Variants in WDFY3 observed in about 807,000 individuals in gnomAD.
The protein encoded by WDFY3 is WD repeat and FYVE domain containing 3.
Under a neutral mutation model 409.6 loss-of-function variants are expected in WDFY3, and 66 were observed. That is an observed-to-expected ratio of 0.16 (90% confidence interval 0.13 to 0.20). The LOEUF (loss-of-function observed/expected upper bound fraction) is 0.20. WDFY3 is among the 10% of genes least tolerant of loss of function. WDFY3 has a pLI of 1.00. For missense variants in WDFY3, 3,031 were observed against 4,298.1 expected (o/e 0.71, Z 8.24); for synonymous variants, 1,521 against 1,537.1 (o/e 0.99, Z 0.25).
intron 1 of WDFY3, among the ~76,000 whole-genome samples, chr4:84,936,574 A>G (rs1175386610): frequency 6.6e-6 from 1 of 152,110 alleles, no homozygotes; most frequent in East Asian, 1.9e-4. Context: ...TTTTCCAAAT[A>G]GCCCAGAAAG....
At chr4:84,962,923 C>T (rs1275918526) in intron 1 of WDFY3, among the ~76,000 whole-genome samples, 1 of 151,786 alleles carries the variant, frequency 6.6e-6, no homozygotes, top group Non-Finnish European at 1.5e-5. Context: ...ATTCATCTGC[C>T]TCGGCCTCCC....
At chr4:84,735,920 C>T (rs1578299929) in intron 42 of WDFY3, among the ~76,000 whole-genome samples, 1 of 152,064 alleles carries the variant, frequency 6.6e-6, no homozygotes, top group Non-Finnish European at 1.5e-5. Flanking sequence ...AGAAAATTAT[C>T]TATAGTCTGA....
At chr4:84,682,603 C>T (rs1016138870) in intron 63 of WDFY3, 133 bp from the exon 64 acceptor site, 1 of 741,750 alleles carries the variant, frequency 1.3e-6, no homozygotes, top group East Asian at 2.7e-5. Flanking sequence ...GTTAGATTTC[C>T]CGTATCTTGG....
chr4:84,763,853 C>A (rs1375855926), intron 32 of WDFY3, among the ~76,000 whole-genome samples: 1 of 152,116 alleles, frequency 6.6e-6, no homozygotes, highest in African/African-American at 2.4e-5. Context: ...TCAGGTAGGT[C>A]AGACACAGTG....
chr4:84,803,922 C>G (rs1366587727), intron 15 of WDFY3: 1 of 153,500 alleles, frequency 6.5e-6, no homozygotes, highest in African/African-American at 2.4e-5. Context: ...ATGAGTAACA[C>G]AATCAACAAC....
chr4:84,804,211 T>G (rs1430223387), intron 15 of WDFY3: 5 of 152,232 alleles, frequency 3.3e-5, no homozygotes, highest in Non-Finnish European at 7.3e-5. Context: ...TCATCTACAA[T>G]TCATGAATTT....
At position 84,741,837 on chromosome 4, in the gene WDFY3, A is replaced by G. The variant is rs1369762574; in HGVS notation, c.6158T>C (p.Val2053Ala). 2.5e-6 allele frequency: 4 copies of G among 1,613,710 alleles called. No homozygotes were observed. In the East Asian group the frequency reaches 8.9e-5, roughly 36 times the overall value. Residue 2053 changes from valine to alanine, a missense_variant, in exon 38 of 68, where the codon GTG becomes GCG. By Grantham distance (64) the Val-to-Ala change is moderately conservative. Around this residue, in one of 16 missense-constraint regions of WDFY3, gnomAD observed 314 missense variants for 397.4 expected, o/e 0.79. Coordinates refer to ENST00000295888, the MANE Select transcript of WDFY3 (RefSeq NM_014991.6). ...NNVFYFTQRV[V>A]DKLWQGMFNK... The stretch of plus-strand genomic sequence containing the variant: ...GAACATGCCTTGCCAAAGCTTGTCC[A>G]CCACACGCTGTGTGAAATAAAACAC...
chr4:84,769,584 T>A (rs962393922), intron 30 of WDFY3, among the ~76,000 whole-genome samples: 2 of 151,922 alleles, frequency 1.3e-5, no homozygotes, highest in Admixed American at 1.3e-4. Flanking sequence ...CCGGCTAATT[T>A]TTTTTGTGTG....
chr4:84,930,982 TTTG>T (rs1284496142), intron 2 of WDFY3, among the ~76,000 whole-genome samples: 29 of 152,194 alleles, frequency 1.9e-4, no homozygotes, highest in African/African-American at 5.1e-4. Flanking sequence ...CACTGCAATA[TTTG>T]TTATTATAAT....
chr4:84,700,311 C>T (rs942257858), intron 56 of WDFY3, among the ~76,000 whole-genome samples: 1 of 152,176 alleles, frequency 6.6e-6, no homozygotes, highest in African/African-American at 2.4e-5. Flanking sequence ...TAAAGTGATC[C>T]TCCCACCTCA....
chr4:84,788,717 C>A (rs1426945885), intron 22 of WDFY3, among the ~76,000 whole-genome samples: 1 of 152,186 alleles, frequency 6.6e-6, no homozygotes, highest in East Asian at 1.9e-4. Context: ...CAAACTTTGT[C>A]TTTGTTACTT....
rs145922258 is a variant in WDFY3, at chr4:84,858,528, A to C, written c.180+1884T>G. On this transcript the variant is annotated intron_variant, in intron 4 of 67. Coordinates refer to ENST00000295888, the MANE Select transcript of WDFY3 (RefSeq NM_014991.6). ...AAAAGAACTACTGCTTGATTGACAG[A>C]GGTCCAGAAAAGGGGGAACATATAA... Among the ~76,000 whole-genome samples the C allele has an allele frequency of 1.8e-4, 27 of 152,334 alleles. 1 individual carries two copies. In the East Asian group the frequency reaches 5.2e-3, roughly 29 times the overall value.
At chr4:84,698,311 G>A (rs1020255808) in intron 56 of WDFY3, among the ~76,000 whole-genome samples, 15 of 150,210 alleles carry the variant, frequency 1.0e-4, no homozygotes, top group African/African-American at 3.7e-4. Flanking sequence ...TTGAGACAGG[G>A]TCTTGCTCTG....
rs1738526115 is a variant in WDFY3 at position 84,742,024 on chromosome 4, C to T, written c.6074-103G>A. On this transcript the variant is annotated intron_variant, in intron 37 of 67. Coordinates refer to ENST00000295888, the MANE Select transcript of WDFY3 (RefSeq NM_014991.6). ...GGCTAAGGTAAAATAAGTGTATCTACAACAGGTAGCAATATGACTACTAGC... is the reference window on the plus strand; with the variant it reads ...GGCTAAGGTAAAATAAGTGTATCTATAACAGGTAGCAATATGACTACTAGC... 4.6e-6 allele frequency: 5 copies of T among 1,086,446 alleles called. No individual in the cohort carries two copies. The South Asian group carries it at 1.0e-4, about 22-fold the overall frequency. The allele number at this position is 1,086,446 out of a possible 1,614,324, so 67.3% of individuals were successfully genotyped here.
intron 40 of WDFY3, 149 bp downstream of exon 40, chr4:84,738,861 G>T: frequency 1.5e-6 from 1 of 646,820 alleles, no homozygotes. Flanking sequence ...TACTGTTATT[G>T]GCATGAGGAG....
chr4:84,714,032 C>G (rs1035696873), intron 50 of WDFY3, among the ~76,000 whole-genome samples: 6 of 151,980 alleles, frequency 3.9e-5, no homozygotes, highest in African/African-American at 1.5e-4. Flanking sequence ...AGGAAAATTG[C>G]TTGAACCTGG....
At chr4:84,909,279 T>G (rs537465449) in intron 2 of WDFY3, among the ~76,000 whole-genome samples, 11 of 152,268 alleles carry the variant, frequency 7.2e-5, no homozygotes, top group African/African-American at 2.4e-4. Flanking sequence ...GTTAAAATTA[T>G]GCTTTCTTGA....
intron 13 of WDFY3, among the ~76,000 whole-genome samples, chr4:84,817,145 TATTTA>T (rs988326269): frequency 6.6e-6 from 1 of 152,188 alleles, no homozygotes; most frequent in East Asian, 1.9e-4. Context: ...ACTTCACTAA[TATTTA>T]ATTTAAGAGT....
At chr4:84,796,074 A>G (rs1749385750) in intron 19 of WDFY3, among the ~76,000 whole-genome samples, 1 of 151,848 alleles carries the variant, frequency 6.6e-6, no homozygotes, top group Non-Finnish European at 1.5e-5. Context: ...TATTTATTAC[A>G]TTAGATGTTG....
Sources: allele counts gnomAD v4.1 joint callset (sites outside exome capture counted in the v4.1 genomes callset), GRCh38; gene constraint gnomAD v4.1.1; regional missense constraint gnomAD v4.1.1; transcripts MANE v1.5; gene names NCBI Gene and HGNC (gene_info 2026-07-23, HGNC 2026-07-21).